Variants in RPL23 observed in about 807,000 individuals in gnomAD.
RPL23 encodes ribosomal protein L23.
For synonymous variants in RPL23, 63 were observed against 65.3 expected (o/e 0.97, Z 0.17); for missense variants, 79 against 178.8 (o/e 0.44, Z 3.18).
chr17:38,851,985 C>G (rs952037530), intron 3 of RPL23: 8 of 152,194 alleles, frequency 5.3e-5, no homozygotes, highest in Non-Finnish European at 8.8e-5. Flanking sequence ...AGGACACAAG[C>G]TGCAAGTATT....
At chr17:38,852,564 ACT>A (rs1913034415) in intron 3 of RPL23, 38 bp downstream of exon 3, 6 of 1,609,048 alleles carry the variant, frequency 3.7e-6, no homozygotes, top group Middle Eastern at 2.3e-4. Flanking sequence ...GCGTCCCCCC[ACT>A]ACTCATCAGT....
In RPL23 at chr17:38,849,831, A is replaced by G; in HGVS notation, c.*301T>C. 1 of 247,154 alleles carries G rather than the reference A, an allele frequency of 4.0e-6. No individual in the cohort carries two copies. The allele number at this position is 247,154 out of a possible 1,614,324, so 15.3% of individuals were successfully genotyped here. On this transcript the variant is annotated 3_prime_UTR_variant, in exon 5 of 5. Transcript: ENST00000479035. ...ATTGCTTTAAAAAAAAAATGCCCAG[A>G]GTTTCCATTTCAGAAAAGTGATGGT...
Position 38,848,701 on chromosome 17 carries a change from A to G in RPL23, c.*1431T>C, listed in dbSNP as rs142592020. 1 of 152,120 alleles carries G rather than the reference A, an allele frequency of 6.6e-6. No homozygotes were observed. Among genetic ancestry groups the G allele is most frequent in the African/African-American group, 2.4e-5 (1 of 41,436 alleles). The allele number at this position is 152,120 out of a possible 1,614,324, so 9.4% of individuals were successfully genotyped here. A position where few individuals can be genotyped will look rare whatever the true frequency, so the allele number is the denominator to read the frequency against. ...GGTATGGACCGGAAACATTTTCAAA[A>G]GCTCCAGGTTAGAACAACTCCTCTC... is the stretch of plus-strand genomic sequence containing the variant. On this transcript the variant is annotated 3_prime_UTR_variant, in exon 5 of 5. Transcript: ENST00000479035.
chr17:38,847,913 T>C lies in RPL23; in HGVS notation c.*2219A>G. The C allele has an allele frequency of 2.0e-6, 3 of 1,510,464 alleles. No homozygotes were observed. Among genetic ancestry groups the C allele is most frequent in the Non-Finnish European group, 2.7e-6 (3 of 1,131,750 alleles). The allele number at this position is 1,510,464 out of a possible 1,614,324, so 93.6% of individuals were successfully genotyped here. A position where few individuals can be genotyped will look rare whatever the true frequency, so the allele number is the denominator to read the frequency against. On this transcript the variant is annotated 3_prime_UTR_variant, in exon 5 of 5. Coordinates refer to ENST00000479035, the MANE Select transcript of RPL23 (RefSeq NM_000978.4). ...CAAGTCAAAAAAAATCTCCAAAGAATAAAATGTGAGGTGGGATGCAGTGGC... is the reference window on the plus strand; with the variant it reads ...CAAGTCAAAAAAAATCTCCAAAGAACAAAATGTGAGGTGGGATGCAGTGGC...
chr17:38,850,763 C>G, intron 3 of RPL23: 1 of 268,600 alleles, frequency 3.7e-6, no homozygotes, highest in Non-Finnish European at 7.0e-6. Context: ...GCATGAACCA[C>G]GATCATCTAT....
In RPL23 at chr17:38,848,160, G is replaced by A. The variant is rs1912909631; in HGVS notation, c.*1972C>T. On this transcript the variant is annotated 3_prime_UTR_variant, in exon 5 of 5. Transcript: ENST00000479035. Reference sequence around the variant, plus strand: ...ATAAAGACATAAATGGTGGGCCTAGGGGCTTGTCACACTAAAGCTGACTTG... The same window carrying A: ...ATAAAGACATAAATGGTGGGCCTAGAGGCTTGTCACACTAAAGCTGACTTG... 7.0e-6 allele frequency: 9 copies of A among 1,290,752 alleles called. No individual in the cohort carries two copies. The South Asian group carries it at 1.8e-4, about 26-fold the overall frequency. 80.0% of individuals were successfully genotyped at this position (1,290,752 alleles called of 1,614,324 possible).
Position 38,848,334 on chromosome 17 carries a change from G to A in RPL23, c.*1798C>T. 8.9e-6 allele frequency: 2 copies of A among 223,700 alleles called. No homozygotes were observed. Among genetic ancestry groups the A allele is most frequent in the Non-Finnish European group, 1.7e-5 (2 of 114,916 alleles). 13.9% of individuals were successfully genotyped at this position (223,700 alleles called of 1,614,324 possible). ...GCTCACTGCAACCTCCATCTCCGGGGTTCAAGCAATTCTCCTGCCTCAGCC... is the reference window on the plus strand; with the variant it reads ...GCTCACTGCAACCTCCATCTCCGGGATTCAAGCAATTCTCCTGCCTCAGCC... On this transcript the variant is annotated 3_prime_UTR_variant, in exon 5 of 5. Transcript: ENST00000479035.
Position 38,848,033 on chromosome 17 carries a change from C to T in RPL23, c.*2099G>A, listed in dbSNP as rs755825163. On this transcript the variant is annotated 3_prime_UTR_variant, in exon 5 of 5. Transcript: ENST00000479035. ...AGTGAGCTTCAGTGGTGTTACTGCA[C>T]TCCAGCCTGTGTGACAGAGCAAGAC... 1.9e-6 allele frequency: 3 copies of T among 1,549,186 alleles called. No homozygotes were observed. The South Asian group carries it at 3.6e-5, about 18-fold the overall frequency.
At chr17:38,852,445 C>G (rs1913030298) in intron 3 of RPL23, 159 bp downstream of exon 3, 1 of 789,822 alleles carries the variant, frequency 1.3e-6, no homozygotes, top group Admixed American at 2.6e-5. Flanking sequence ...ATGATGGTCC[C>G]CCCTCCAACA....
rs990408872 is a variant in RPL23 at position 38,852,743 on chromosome 17, A to G, written c.98-11T>C. 6.2e-7 allele frequency: 1 copy of G among 1,613,984 alleles called. No homozygotes were observed. Among genetic ancestry groups the G allele is most frequent in the Admixed American group, 1.7e-5 (1 of 59,958 alleles). ...ACAGGTTTTTGGCTCCTACAAAAGAATGTAAATAAAAATAAAAAATGTTGA... is the reference window on the plus strand; with the variant it reads ...ACAGGTTTTTGGCTCCTACAAAAGAGTGTAAATAAAAATAAAAAATGTTGA... On this transcript the variant is annotated splice_polypyrimidine_tract_variant and intron_variant, in intron 2 of 4. Transcript: ENST00000479035.
At chr17:38,850,767 C>T (rs980693599) in intron 3 of RPL23, 120 of 240,500 alleles carry the variant, frequency 5.0e-4, no homozygotes, top group Non-Finnish European at 2.8e-4. Context: ...GAACCACGAT[C>T]ATCTATTCAC....
chr17:38,853,339 G>T, intron 1 of RPL23: 1 of 676,628 alleles, frequency 1.5e-6, no homozygotes. Context: ...AAACCTAGAC[G>T]ACTCAACCCT....
At chr17:38,850,717 T>C (rs1418282680) in intron 3 of RPL23, 2 of 414,568 alleles carry the variant, frequency 4.8e-6, no homozygotes, top group Non-Finnish European at 8.7e-6. Context: ...TTGGCAAGCC[T>C]GGCCTCCCAA....
rs1467008666 is a variant in RPL23 at position 38,848,957 on chromosome 17, CTAAA to C, written c.*1171_*1174del. The C allele has an allele frequency of 6.6e-6, 1 of 152,172 alleles. No homozygotes were observed. Among genetic ancestry groups the C allele is most frequent in the Non-Finnish European group, 1.5e-5 (1 of 68,028 alleles). 9.4% of individuals were successfully genotyped at this position (152,172 alleles called of 1,614,324 possible). ...ATTTTTCCAAAACGCTGGGTGTCACCTAAATAAACTCTTACACGTTTAGAAAGAA... is the reference window on the plus strand; with the variant it reads ...ATTTTTCCAAAACGCTGGGTGTCACCTAAACTCTTACACGTTTAGAAAGAA... On this transcript the variant is annotated 3_prime_UTR_variant, in exon 5 of 5. Coordinates refer to ENST00000479035, the MANE Select transcript of RPL23 (RefSeq NM_000978.4).
At chr17:38,853,480 A>G (rs1913066019) in intron 1 of RPL23, 1 of 722,584 alleles carries the variant, frequency 1.4e-6, no homozygotes, top group Non-Finnish European at 2.6e-6. Flanking sequence ...ATCTCGCGGT[A>G]TCCAGACTAC....
Position 38,853,705 on chromosome 17 carries a change from C to A in RPL23, c.6G>T (p.Ser2=). 6.2e-7 allele frequency: 1 copy of A among 1,614,104 alleles called. No homozygotes were observed. The highest frequency in any genetic ancestry group is 8.5e-7 in the Non-Finnish European group (1 of 1,180,024). ...CCAGAAACAAAACCTCACCTCGCTTCGACATCTTGAACGCCGGAAAAAAGA... is the reference window on the plus strand; with the variant it reads ...CCAGAAACAAAACCTCACCTCGCTTAGACATCTTGAACGCCGGAAAAAAGA... The part of the protein sequence containing the change: M[S]KRGRGGSSGA... The change falls in exon 1 of 5, where the codon TCG becomes TCT. Residue 2 remains serine, a synonymous_variant. Coordinates refer to ENST00000479035, the MANE Select transcript of RPL23 (RefSeq NM_000978.4).
At position 38,850,135 on chromosome 17, in the gene RPL23, T is replaced by C. The variant is rs568412982; in HGVS notation, c.420A>G (p.Ala140=). 18 of 1,592,360 alleles carry C rather than the reference T, an allele frequency of 1.1e-5. No homozygotes were observed. In the South Asian group the frequency reaches 1.4e-4, roughly 12 times the overall value. Residue 140 remains alanine (A), a synonymous_variant, in exon 5 of 5, where the codon GCA becomes GCG. Coordinates refer to ENST00000479035, the MANE Select transcript of RPL23 (RefSeq NM_000978.4). The part of the protein sequence containing the change: ...PRIASNAGSI[A] The stretch of plus-strand genomic sequence containing the variant: ...TTTTTACAAATATACTGGAGAATCA[T>C]GCAATGCTGCCAGCATTGGATGCAA...
chr17:38,850,084 T>C lies in RPL23; in HGVS notation c.*48A>G, dbSNP rs778097271. ...GACAAGCACTGCAAACAAATACTTT[T>C]TAATGGGTTTAGTTTTTTTTTTTAT... On this transcript the variant is annotated 3_prime_UTR_variant, in exon 5 of 5. Transcript: ENST00000479035. 5.7e-6 allele frequency: 8 copies of C among 1,397,152 alleles called. No homozygotes were observed. In the East Asian group the frequency reaches 1.9e-4, roughly 33 times the overall value. The allele number at this position is 1,397,152 out of a possible 1,614,324, so 86.5% of individuals were successfully genotyped here.
intron 3 of RPL23, 116 bp downstream of exon 3, chr17:38,852,488 A>T (rs1040686856): frequency 5.3e-5 from 70 of 1,313,068 alleles, no homozygotes; most frequent in Non-Finnish European, 7.1e-5. Flanking sequence ...TACTTATCTC[A>T]CACTGCCTCT....
Sources: gnomAD v4.1 joint callset for allele counts on GRCh38, gnomAD v4.1.1 for gene constraint, MANE v1.5 for transcripts, NCBI Gene and HGNC (gene_info 2026-07-23, HGNC 2026-07-21) for gene names.